CEP128: variants seen among roughly 807,000 people sequenced by gnomAD.
CEP128 encodes the protein centrosomal protein 128kDa.
A neutral mutation model predicts 156.7 loss-of-function variants in CEP128; 132 were observed. That is an observed-to-expected ratio of 0.84 (90% CI 0.73 to 0.97). The LOEUF (loss-of-function observed/expected upper bound fraction) is 0.97. Ranked by LOEUF, CEP128 falls within the 50% of genes least tolerant of loss-of-function variation. The pLI, the probability that CEP128 is intolerant of heterozygous loss-of-function variation, is 0.00. For synonymous variants in CEP128, 469 were observed against 448.9 expected (o/e 1.04, Z -0.57); for missense variants, 1,252 against 1,281.9 (o/e 0.98, Z 0.36).
chr14:80,653,183 C>A lies in CEP128; in HGVS notation c.2807-72760G>T, dbSNP rs991807378. Among the ~76,000 whole-genome samples the A allele has an allele frequency of 2.0e-5, 3 of 151,976 alleles. No individual in the cohort carries two copies. In the East Asian group the frequency reaches 5.8e-4, roughly 29 times the overall value. On this transcript the variant is annotated intron_variant, in intron 19 of 24. Coordinates refer to ENST00000555265, the MANE Select transcript of CEP128 (RefSeq NM_152446.5). ...GGGAACATCACACACCAGGGCCTGT[C>A]GGGAGGTGGGTGGTAAGGGAGGGAT...
At chr14:80,640,149 T>C (rs1894348730) in intron 19 of CEP128, among the ~76,000 whole-genome samples, 1 of 152,128 alleles carries the variant, frequency 6.6e-6, no homozygotes, top group Non-Finnish European at 1.5e-5. Context: ...GCTAGCTAGA[T>C]CAAAACACAA....
chr14:80,830,270 T>G (rs764866960), intron 13 of CEP128: 1 of 626,410 alleles, frequency 1.6e-6, no homozygotes, highest in South Asian at 1.9e-5. Context: ...TAAAAGACAT[T>G]TTCTATTGAT....
chr14:80,577,191 G>C (rs1172243640), intron 20 of CEP128, among the ~76,000 whole-genome samples: 2 of 151,868 alleles, frequency 1.3e-5, no homozygotes, highest in Non-Finnish European at 2.9e-5. Flanking sequence ...TAGGGTTCTG[G>C]CCTAGGATTT....
At chr14:80,811,636 AGTTTGTGT>A (rs1277960935) in intron 13 of CEP128, among the ~76,000 whole-genome samples, 1 of 151,264 alleles carries the variant, frequency 6.6e-6, no homozygotes, top group African/African-American at 2.4e-5. Flanking sequence ...CAGAAACCCT[AGTTTGTGT>A]GTTTGTGTGT....
chr14:80,944,749 A>C (rs1433680620), upstream of CEP128, among the ~76,000 whole-genome samples: 1 of 147,602 alleles, frequency 6.8e-6, no homozygotes, highest in Non-Finnish European at 1.5e-5. Context: ...GTAAACCCGG[A>C]AGGCAGAGCT....
intron 23 of CEP128, among the ~76,000 whole-genome samples, chr14:80,524,898 G>T (rs2140258674): frequency 6.6e-6 from 1 of 152,092 alleles, no homozygotes; most frequent in Admixed American, 6.6e-5. Context: ...CTAAGTGCTG[G>T]CCCCTCTTAT....
At chr14:80,639,537 C>T (rs923146573) in intron 19 of CEP128, among the ~76,000 whole-genome samples, 1 of 152,088 alleles carries the variant, frequency 6.6e-6, no homozygotes, top group Admixed American at 6.5e-5. Context: ...TATTCTATGA[C>T]CTTCTTAAAT....
intron 19 of CEP128, among the ~76,000 whole-genome samples, chr14:80,715,385 G>C (rs1249165243): frequency 6.6e-6 from 1 of 152,148 alleles, no homozygotes; most frequent in African/African-American, 2.4e-5. Context: ...CAGTCAGGTA[G>C]TAAACAAGTG....
chr14:80,935,806 G>A (rs1212284186), intron 2 of CEP128, among the ~76,000 whole-genome samples: 1 of 151,978 alleles, frequency 6.6e-6, no homozygotes, highest in African/African-American at 2.4e-5. Flanking sequence ...ACAATTAAAT[G>A]GCCCTTTTCT....
intron 19 of CEP128, among the ~76,000 whole-genome samples, chr14:80,688,391 T>C (rs1257251030): frequency 1.3e-5 from 2 of 152,142 alleles, no homozygotes; most frequent in Non-Finnish European, 2.9e-5. Flanking sequence ...TGCCAACAAG[T>C]ATAAAGAATG....
At chr14:80,607,126 C>T (rs1892815323) in intron 19 of CEP128, among the ~76,000 whole-genome samples, 1 of 151,790 alleles carries the variant, frequency 6.6e-6, no homozygotes, top group Non-Finnish European at 1.5e-5. Flanking sequence ...ATGTGTTTAT[C>T]TTTAGAGAAA....
chr14:80,514,607 T>C (rs1235587679), intron 23 of CEP128: 1 of 306,328 alleles, frequency 3.3e-6, no homozygotes, highest in Admixed American at 4.0e-5. Context: ...GTTTATCTAA[T>C]AGGATTCTAA....
At chr14:80,526,412 AAC>A (rs1888976436) in intron 23 of CEP128, among the ~76,000 whole-genome samples, 1 of 152,086 alleles carries the variant, frequency 6.6e-6, no homozygotes, top group Non-Finnish European at 1.5e-5. Flanking sequence ...CACGGTAATA[AAC>A]CAAAAGCTGA....
At chr14:80,629,426 T>G (rs1893871263) in intron 19 of CEP128, among the ~76,000 whole-genome samples, 1 of 152,120 alleles carries the variant, frequency 6.6e-6, no homozygotes, top group Non-Finnish European at 1.5e-5. Context: ...TTATTTATAT[T>G]TCACAGGTAT....
intron 19 of CEP128, among the ~76,000 whole-genome samples, chr14:80,673,823 A>G (rs767407873): frequency 4.0e-5 from 6 of 151,626 alleles, no homozygotes; most frequent in Non-Finnish European, 7.4e-5. Flanking sequence ...AGAATGCTAC[A>G]AAGATAAGCT....
Position 80,780,673 on chromosome 14 carries a change from A to G in CEP128, c.2212-2627T>C, listed in dbSNP as rs147798603. On this transcript the variant is annotated intron_variant, in intron 15 of 24. Coordinates refer to ENST00000555265, the MANE Select transcript of CEP128 (RefSeq NM_152446.5). ...ATGAACTCAAAGCACTTCCTCAAAA[A>G]AAATGAGGAAATCAATTTTCCCACA... Among the ~76,000 whole-genome samples the G allele has an allele frequency of 5.3e-4, 81 of 152,364 alleles. 1 individual carries two copies. Among genetic ancestry groups the G allele is most frequent in the African/African-American group, 1.9e-3 (79 of 41,586 alleles).
intron 17 of CEP128, among the ~76,000 whole-genome samples, chr14:80,758,761 T>G (rs966808991): frequency 2.6e-5 from 4 of 152,212 alleles, no homozygotes; most frequent in Admixed American, 1.3e-4. Flanking sequence ...ATAGGTAACA[T>G]TACTTGAGTA....
At chr14:80,935,500 G>A (rs8010085) in intron 2 of CEP128, among the ~76,000 whole-genome samples, 1,744 of 151,302 alleles carry the variant, frequency 0.012, 129 homozygotes, top group Admixed American at 0.098. Context: ...GCAGTGAGCC[G>A]AGATTGCACC....
chr14:80,944,970 G>T (rs1261970496), upstream of CEP128, among the ~76,000 whole-genome samples: 1 of 150,054 alleles, frequency 6.7e-6, no homozygotes. Flanking sequence ...AGTATCATTT[G>T]CAGTACCCTT....
Sources: allele counts gnomAD v4.1 joint callset (sites outside exome capture counted in the v4.1 genomes callset), GRCh38; gene constraint gnomAD v4.1.1; transcripts MANE v1.5; gene names NCBI Gene and HGNC (gene_info 2026-07-23, HGNC 2026-07-21).